The following RGS7 variants were observed in gnomAD, a reference collection of about 807,000 sequenced individuals.
The protein encoded by RGS7 is regulator of G-protein signaling 7.
In RGS7, 27 loss-of-function variants were observed where a neutral mutation model predicts 81.1. The ratio of observed to expected loss-of-function variants is 0.33; its 90% confidence interval spans 0.25 to 0.46. The LOEUF is 0.46. Ranked by LOEUF, RGS7 falls within the 20% of genes least tolerant of loss-of-function variation. The pLI, the probability that RGS7 is intolerant of heterozygous loss-of-function variation, is 1.00. For missense variants in RGS7, 396 were observed against 607.4 expected, an observed-to-expected ratio of 0.65 and a Z score of 3.66; for synonymous variants, 208 against 207.7, an observed-to-expected ratio of 1.00 and a Z score of -0.01.
At chr1:241,087,854 C>G (rs2063540606) in intron 3 of RGS7, among the ~76,000 whole-genome samples, 1 of 151,552 alleles carries the variant, frequency 6.6e-6, no homozygotes, top group African/African-American at 2.4e-5. Flanking sequence ...GAGGCTGAGG[C>G]AGGAGAATCG....
At chr1:241,135,511 T>C (rs2067444221) in intron 2 of RGS7, among the ~76,000 whole-genome samples, 1 of 152,044 alleles carries the variant, frequency 6.6e-6, no homozygotes, top group Non-Finnish European at 1.5e-5. Flanking sequence ...GGGTTCGAGC[T>C]GAGAACCTTA....
chr1:241,001,195 G>A (rs993524043), intron 3 of RGS7, among the ~76,000 whole-genome samples: 1 of 152,190 alleles, frequency 6.6e-6, no homozygotes, highest in African/African-American at 2.4e-5. Flanking sequence ...GAATGTGAAA[G>A]TGAATAGTAC....
intron 2 of RGS7, among the ~76,000 whole-genome samples, chr1:241,132,893 G>T (rs1206687264): frequency 6.6e-6 from 1 of 152,038 alleles, no homozygotes; most frequent in Non-Finnish European, 1.5e-5. Context: ...CTCCCAAGTA[G>T]CTGGGATTAC....
At chr1:241,061,119 C>A (rs751564124) in intron 3 of RGS7, among the ~76,000 whole-genome samples, 1 of 152,114 alleles carries the variant, frequency 6.6e-6, no homozygotes, top group African/African-American at 2.4e-5. Context: ...AAGAAGTTTC[C>A]CCTAGAAAAG....
At chr1:240,818,797 A>C (rs1691273418) in intron 10 of RGS7, among the ~76,000 whole-genome samples, 2 of 152,290 alleles carry the variant, frequency 1.3e-5, no homozygotes, top group African/African-American at 4.8e-5. Context: ...GGTGAGGAAA[A>C]GAAAGCTCTT....
chr1:241,084,813 A>T (rs888114695), intron 3 of RGS7, among the ~76,000 whole-genome samples: 1 of 152,230 alleles, frequency 6.6e-6, no homozygotes, highest in South Asian at 2.1e-4. Context: ...ACAGAAACAG[A>T]TGAAACACAG....
intron 4 of RGS7, among the ~76,000 whole-genome samples, chr1:240,963,845 A>C (rs953673138): frequency 2.0e-5 from 3 of 152,182 alleles, no homozygotes; most frequent in African/African-American, 4.8e-5. Flanking sequence ...AAGATATAAA[A>C]GTGAAATATA....
chr1:241,020,197 G>T (rs2059470191), intron 3 of RGS7, among the ~76,000 whole-genome samples: 1 of 152,188 alleles, frequency 6.6e-6, no homozygotes, highest in African/African-American at 2.4e-5. Flanking sequence ...GTATGAAGTA[G>T]GGGCTCAGTC....
chr1:241,021,818 T>C (rs2059550608), intron 3 of RGS7, among the ~76,000 whole-genome samples: 1 of 152,218 alleles, frequency 6.6e-6, no homozygotes, highest in Non-Finnish European at 1.5e-5. Context: ...TTTGAAGCAC[T>C]AACCACTCGG....
chr1:240,985,086 C>T (rs547611761), intron 3 of RGS7, among the ~76,000 whole-genome samples: 3 of 152,156 alleles, frequency 2.0e-5, no homozygotes, highest in Non-Finnish European at 4.4e-5. Context: ...GACCGTGTCC[C>T]GGTGTTGTGT....
intron 2 of RGS7, among the ~76,000 whole-genome samples, chr1:241,290,187 T>G (rs1294860783): frequency 1.3e-5 from 2 of 152,136 alleles, no homozygotes; most frequent in Non-Finnish European, 2.9e-5. Flanking sequence ...GAGTACATAT[T>G]TAATAGTGCC....
intron 3 of RGS7, among the ~76,000 whole-genome samples, chr1:241,001,962 G>A (rs985165934): frequency 2.0e-5 from 3 of 152,110 alleles, no homozygotes; most frequent in East Asian, 1.9e-4. Context: ...GCGTCAGTGC[G>A]ATAATGATGG....
At chr1:240,853,061 A>T (rs2147938834) in intron 9 of RGS7, among the ~76,000 whole-genome samples, 1 of 152,324 alleles carries the variant, frequency 6.6e-6, no homozygotes, top group East Asian at 1.9e-4. Context: ...ATTTTTGAGT[A>T]TTTTTAAATA....
At chr1:241,291,818 C>T (rs903024767) in intron 2 of RGS7, among the ~76,000 whole-genome samples, 11 of 152,066 alleles carry the variant, frequency 7.2e-5, no homozygotes, top group African/African-American at 2.7e-4. Flanking sequence ...TCAGGTGATC[C>T]ACCCGCCTCA....
intron 3 of RGS7, among the ~76,000 whole-genome samples, chr1:241,007,900 C>T (rs924192290): frequency 1.3e-5 from 2 of 152,172 alleles, no homozygotes; most frequent in Admixed American, 1.3e-4. Context: ...CACATGCGCA[C>T]AGGGACAACA....
At chr1:240,991,573 A>T (rs1410940488) in intron 3 of RGS7, among the ~76,000 whole-genome samples, 1 of 152,214 alleles carries the variant, frequency 6.6e-6, no homozygotes, top group Non-Finnish European at 1.5e-5. Context: ...CTTTATTTTG[A>T]TAAAGCAAGT....
rs575206399 is a variant in RGS7, at chr1:241,271,517, C to T, written c.78+84182G>A. Among the ~76,000 whole-genome samples the T allele has an allele frequency of 7.2e-5, 11 of 152,324 alleles. No individual in the cohort carries two copies. The highest frequency in any genetic ancestry group is 2.6e-4 in the African/African-American group (11 of 41,582). Reference sequence around the variant, plus strand: ...ATTTTACATGTCAACTTGACTGTTTCACAGGAGTGCCCAGGTATCTGGTTA... The same window carrying T: ...ATTTTACATGTCAACTTGACTGTTTTACAGGAGTGCCCAGGTATCTGGTTA... On this transcript the variant is annotated intron_variant, in intron 2 of 18. Coordinates refer to ENST00000440928, the MANE Select transcript of RGS7 (RefSeq NM_001364886.1). The surrounding 1 kb of genome is among the most constrained non-coding windows in gnomAD (Gnocchi z 4.6).
intron 2 of RGS7, among the ~76,000 whole-genome samples, chr1:241,295,284 T>TAAAA (rs144630615): frequency 6.8e-6 from 1 of 146,730 alleles, no homozygotes; most frequent in Non-Finnish European, 1.5e-5. Context: ...CCGTCTCTAC[T>TAAAA]AAAAAAAAAA....
rs754500101 is a variant in RGS7 at position 241,083,637 on chromosome 1, G to A, written c.175+15029C>T. Among the ~76,000 whole-genome samples, 427 of 152,180 alleles carry A rather than the reference G, an allele frequency of 2.8e-3. 8 individuals are homozygous for A. Among genetic ancestry groups the A allele is most frequent in the Non-Finnish European group, 1.1e-3 (72 of 67,996 alleles). ...CTTGCGGATCTAGTTAACATTTCCT[G>A]TTTTCTGCAAGAATTAATTTTTTTC... On this transcript the variant is annotated intron_variant, in intron 3 of 18. Transcript: ENST00000440928.
Sources: allele counts gnomAD v4.1 joint callset (sites outside exome capture counted in the v4.1 genomes callset), GRCh38; gene constraint gnomAD v4.1.1; non-coding constraint Gnocchi (gnomAD v3.1); transcripts MANE v1.5; gene names NCBI Gene and HGNC (gene_info 2026-07-23, HGNC 2026-07-21).